KYNU: variants seen among roughly 807,000 people sequenced by gnomAD.
KYNU encodes kynureninase.
Under a neutral mutation model 59.2 loss-of-function variants are expected in KYNU, and 54 were observed. The observed-to-expected ratio is 0.91, with a 90% confidence interval of 0.73 to 1.14. KYNU has a LOEUF of 1.14. Among genes scored for constraint, KYNU ranks in the 50% most tolerant of loss-of-function variants. The pLI is 0.00. For synonymous variants in KYNU, 177 were observed against 192.0 expected, an observed-to-expected ratio of 0.92 and a Z score of 0.65; for missense variants, 567 against 554.4, an observed-to-expected ratio of 1.02 and a Z score of -0.23.
intron 2 of KYNU, among the ~76,000 whole-genome samples, chr2:142,904,937 C>G (rs1682234825): frequency 6.6e-6 from 1 of 152,106 alleles, no homozygotes; most frequent in South Asian, 2.1e-4. Context: ...CCCAACATTG[C>G]CTTTGTGCTC....
intron 4 of KYNU, among the ~76,000 whole-genome samples, chr2:142,931,057 T>A (rs917166791): frequency 2.0e-5 from 3 of 152,228 alleles, no homozygotes; most frequent in Non-Finnish European, 4.4e-5. Context: ...ATGGCCTCTT[T>A]CTCGATCTTC....
At chr2:143,033,416 T>G (rs1686813745) in intron 12 of KYNU, 95 bp downstream of exon 12, 3 of 897,648 alleles carry the variant, frequency 3.3e-6, no homozygotes, top group Non-Finnish European at 5.7e-6. Context: ...CACAGCAAGA[T>G]GATACATGTG....
chr2:143,027,132 G>A (rs140745772), intron 10 of KYNU, among the ~76,000 whole-genome samples: 20 of 152,270 alleles, frequency 1.3e-4, no homozygotes, highest in African/African-American at 4.8e-4. Context: ...GATTTTCTGT[G>A]CCTGCTGTTC....
chr2:143,005,921 C>T (rs577871777), intron 10 of KYNU, among the ~76,000 whole-genome samples: 47 of 152,166 alleles, frequency 3.1e-4, no homozygotes, highest in Admixed American at 2.4e-3. Flanking sequence ...TGCTGTGTTC[C>T]AACAATCCAT....
rs1478236869 is a variant in KYNU at position 143,040,412 on chromosome 2, G to T, written c.1042-16G>T. The T allele has an allele frequency of 3.8e-6, 6 of 1,587,018 alleles. No homozygotes were observed. The highest frequency in any genetic ancestry group is 5.2e-6 in the Non-Finnish European group (6 of 1,156,188). Reference sequence around the variant, plus strand: ...ATCAATAAGACACTTTAATCTGATTGTTTCTCATTCCACAGATCTTTAAGC... The same window carrying T: ...ATCAATAAGACACTTTAATCTGATTTTTTCTCATTCCACAGATCTTTAAGC... On this transcript the variant is annotated splice_polypyrimidine_tract_variant and intron_variant, in intron 12 of 13. Coordinates refer to ENST00000264170, the MANE Select transcript of KYNU (RefSeq NM_003937.3).
intron 2 of KYNU, among the ~76,000 whole-genome samples, chr2:142,898,726 C>T (rs577072963): frequency 1.8e-4 from 27 of 152,152 alleles, no homozygotes; most frequent in African/African-American, 2.2e-4. Flanking sequence ...TGGGGCGGGC[C>T]GCTCCCAAGA....
chr2:143,044,370 A>G lies in KYNU; in HGVS notation c.*2198A>G, dbSNP rs1573927398. ...ACCCAGTAATGGGATTGCTGGGTTA[A>G]ATGGTATTTCTGGTTCTAGATCCTC... On this transcript the variant is annotated 3_prime_UTR_variant, in exon 14 of 14. Coordinates refer to ENST00000264170, the MANE Select transcript of KYNU (RefSeq NM_003937.3). The G allele has an allele frequency of 6.6e-6, 1 of 152,158 alleles. No homozygotes were observed. The allele number at this position is 152,158 out of a possible 1,614,324, so 9.4% of individuals were successfully genotyped here.
intron 8 of KYNU, among the ~76,000 whole-genome samples, chr2:142,964,235 A>G (rs1341246278): frequency 6.6e-6 from 1 of 152,086 alleles, no homozygotes; most frequent in East Asian, 1.9e-4. Context: ...TACTAATATA[A>G]TAATACATGC....
chr2:143,004,394 T>G (rs1685804769), intron 10 of KYNU, among the ~76,000 whole-genome samples: 1 of 152,146 alleles, frequency 6.6e-6, no homozygotes, highest in Admixed American at 6.5e-5. Context: ...GTTCTAAATG[T>G]GTTGAAGCTG....
At chr2:142,924,564 T>C (rs890490366) in intron 3 of KYNU, among the ~76,000 whole-genome samples, 2 of 152,240 alleles carry the variant, frequency 1.3e-5, no homozygotes, top group African/African-American at 4.8e-5. Context: ...AGCATGGTCC[T>C]ACTTTAAAGA....
At chr2:142,918,495 T>C (rs1007176511) in intron 2 of KYNU, 114 bp from the exon 3 acceptor site, 1 of 1,175,410 alleles carries the variant, frequency 8.5e-7, no homozygotes, top group Non-Finnish European at 1.2e-6. Flanking sequence ...TAATTTTTAA[T>C]TACTTTTTAT....
At chr2:142,982,757 C>T (rs76919238) in intron 8 of KYNU, among the ~76,000 whole-genome samples, 4,938 of 152,108 alleles carry the variant, frequency 0.032, 249 homozygotes, top group African/African-American at 0.11. Context: ...AAACAGCTGG[C>T]TCACATTGAG....
intron 8 of KYNU, chr2:142,971,520 T>A (rs1394631110): frequency 6.6e-6 from 1 of 152,222 alleles, no homozygotes; most frequent in African/African-American, 2.4e-5. Flanking sequence ...CACACCATGA[T>A]GAAAAATGTA....
In KYNU at chr2:143,042,616, A is replaced by ATGTGTGTGTG. The variant is rs1358940896; in HGVS notation, c.*445_*446insGTGTGTGTGT. On this transcript the variant is annotated 3_prime_UTR_variant, in exon 14 of 14. Coordinates refer to ENST00000264170, the MANE Select transcript of KYNU (RefSeq NM_003937.3). ...TATATATATATATATATATATATAT[A>ATGTGTGTGTG]TATATATATATATATGTGTGTGTGT... 2.6e-5 allele frequency: 1 copy of ATGTGTGTGTG among 38,694 alleles called. No homozygotes were observed. Among genetic ancestry groups the ATGTGTGTGTG allele is most frequent in the African/African-American group, 9.8e-5 (1 of 10,214 alleles). The allele number at this position is 38,694 out of a possible 1,614,324, so 2.4% of individuals were successfully genotyped here.
At chr2:143,036,415 G>T (rs1260100127) in intron 12 of KYNU, among the ~76,000 whole-genome samples, 1 of 151,996 alleles carries the variant, frequency 6.6e-6, no homozygotes, top group Non-Finnish European at 1.5e-5. Context: ...CTTTTTAAAA[G>T]ACGTAAAGGT....
intron 2 of KYNU, among the ~76,000 whole-genome samples, chr2:142,910,225 C>T (rs985130157): frequency 2.7e-5 from 4 of 147,404 alleles, no homozygotes; most frequent in African/African-American, 5.0e-5. Context: ...CAATCTCCAC[C>T]TCCCAGGTTC....
rs368644903 is a variant in KYNU at position 142,910,131 on chromosome 2, C to CTTTTTT, written c.170-8464_170-8459dup. On this transcript the variant is annotated intron_variant, in intron 2 of 13. Coordinates refer to ENST00000264170, the MANE Select transcript of KYNU (RefSeq NM_003937.3). ...AGAAGTGTCTATTCATGTTCTTTGC[C>CTTTTTT]TTTTTTTTTTTTTTTTTTTCTTTGA... Among the ~76,000 whole-genome samples the CTTTTTT allele has an allele frequency of 2.3e-3, 243 of 105,476 alleles. 15 individuals are homozygous for CTTTTTT. The highest frequency in any genetic ancestry group is 5.9e-3 in the Middle Eastern group (1 of 170). 69.2% of individuals were successfully genotyped at this position (105,476 alleles called of 152,430 possible).
chr2:142,983,961 T>C (rs970844415), intron 8 of KYNU, among the ~76,000 whole-genome samples: 1 of 152,014 alleles, frequency 6.6e-6, no homozygotes, highest in Non-Finnish European at 1.5e-5. Context: ...CTCATGAAGA[T>C]ATGTAATCAG....
chr2:142,953,573 T>G (rs1684065816), intron 4 of KYNU, among the ~76,000 whole-genome samples: 1 of 152,234 alleles, frequency 6.6e-6, no homozygotes, highest in African/African-American at 2.4e-5. Flanking sequence ...CAACATAAGC[T>G]TATATTCATA....
Sources: allele counts gnomAD v4.1 joint callset (sites outside exome capture counted in the v4.1 genomes callset), GRCh38; gene constraint gnomAD v4.1.1; transcripts MANE v1.5; gene names NCBI Gene and HGNC (gene_info 2026-07-23, HGNC 2026-07-21).